Variants in ZMYM2 observed in about 807,000 individuals in gnomAD.
The protein encoded by ZMYM2 is zinc finger MYM-type protein 2.
In ZMYM2, 56 loss-of-function variants were observed where a neutral mutation model predicts 162.8. The observed-to-expected ratio is 0.34, with a 90% CI of 0.28 to 0.43. ZMYM2 has a LOEUF of 0.43. ZMYM2 is among the 20% of genes least tolerant of loss of function. ZMYM2 has a pLI of 1.00. For synonymous variants in ZMYM2, 510 were observed against 541.6 expected (o/e 0.94, Z 0.81); for missense variants, 1,275 against 1,621.8 (o/e 0.79, Z 3.67).
Position 19,984,122 on chromosome 13 carries a change from G to A in ZMYM2, c.-10-8941G>A, listed in dbSNP as rs1948953536. 2.0e-5 allele frequency among the ~76,000 whole-genome samples: 3 copies of A among 152,296 alleles called. No homozygotes were observed. In the South Asian group the frequency reaches 6.2e-4, roughly 32 times the overall value. On this transcript the variant is annotated intron_variant, in intron 2 of 24. Coordinates refer to ENST00000610343, the MANE Select transcript of ZMYM2 (RefSeq NM_197968.4). ...GGAGAAGATGATGAATACTTTTGTTGAAGCACTTTGAAGTGCTTTCTTTGT... is the reference window on the plus strand; with the variant it reads ...GGAGAAGATGATGAATACTTTTGTTAAAGCACTTTGAAGTGCTTTCTTTGT...
chr13:19,928,318 G>C, the ZMYM2 span, among the ~76,000 whole-genome samples: 9 of 151,930 alleles, frequency 5.9e-5, no homozygotes, highest in Non-Finnish European at 1.3e-4. Flanking sequence ...TTTTTTTATT[G>C]ATTTGTAGGA....
intron 2 of ZMYM2, among the ~76,000 whole-genome samples, chr13:19,977,411 T>A (rs1198286929): frequency 6.6e-6 from 1 of 152,184 alleles, no homozygotes; most frequent in Non-Finnish European, 1.5e-5. Context: ...ATTTAATCTA[T>A]TTATGTCTAA....
Position 19,997,537 on chromosome 13 carries a change from GTGTT to G in ZMYM2, c.847+3622_847+3625del, listed in dbSNP as rs1226835945. Among the ~76,000 whole-genome samples the G allele has an allele frequency of 5.9e-5, 9 of 152,100 alleles. No individual in the cohort carries two copies. The East Asian group carries it at 9.6e-4, about 16-fold the overall frequency. On this transcript the variant is annotated intron_variant, in intron 3 of 24. Transcript: ENST00000610343. ...TGTATGTGTGTATGGGTGTATGTGT[GTGTT>G]TGTATGAGCATTTTTAACTTACAGA...
Position 20,082,108 on chromosome 13 carries a change from G to T in ZMYM2, c.3546G>T (p.Trp1182Cys). ...AATTGAATAAAATACTGCGAAGCTG[G>T]CAACCAAGCATACTTCCAGATGGTA... Reference protein sequence around the residue: ...EQELNKILRSWQPSILPDGSI... With the variant: ...EQELNKILRSCQPSILPDGSI... The change falls in exon 22 of 25, where the codon TGG becomes TGT. Residue 1182 changes from tryptophan to cysteine, a missense_variant. By Grantham distance (215) the Trp-to-Cys change is radical (BLOSUM62 -2). Around this residue, in one of 10 missense-constraint regions of ZMYM2, gnomAD observed 103 missense variants for 192.2 expected, o/e 0.54. Coordinates refer to ENST00000610343, the MANE Select transcript of ZMYM2 (RefSeq NM_197968.4). 6.2e-7 allele frequency: 1 copy of T among 1,603,420 alleles called. No individual in the cohort carries two copies. Among genetic ancestry groups the T allele is most frequent in the Non-Finnish European group, 8.5e-7 (1 of 1,176,282 alleles).
chr13:20,074,888 A>G (rs566281983), intron 21 of ZMYM2, among the ~76,000 whole-genome samples: 2 of 152,344 alleles, frequency 1.3e-5, no homozygotes, highest in African/African-American at 4.8e-5. Flanking sequence ...TGCTTTATCA[A>G]AAAGTTGTTT....
intron 2 of ZMYM2, among the ~76,000 whole-genome samples, chr13:19,985,642 C>A (rs1594181276): frequency 6.7e-6 from 1 of 149,658 alleles, no homozygotes; most frequent in African/African-American, 2.5e-5. Context: ...ACAGAGGTTG[C>A]AGTGAGCCGA....
chr13:19,909,593 T>G, the ZMYM2 span, among the ~76,000 whole-genome samples: 1 of 151,910 alleles, frequency 6.6e-6, no homozygotes, highest in African/African-American at 2.4e-5. Context: ...ACACCACACC[T>G]GGCTAATTTT....
At chr13:20,051,771 T>C (rs1256254778) in intron 13 of ZMYM2, among the ~76,000 whole-genome samples, 173 bp downstream of exon 13, 1 of 152,192 alleles carries the variant, frequency 6.6e-6, no homozygotes, top group East Asian at 1.9e-4. Flanking sequence ...ATAAATGTAT[T>C]GCTTTTAGTT....
intron 7 of ZMYM2, among the ~76,000 whole-genome samples, chr13:20,020,860 C>T (rs1952022151): frequency 6.6e-6 from 1 of 151,946 alleles, no homozygotes; most frequent in African/African-American, 2.4e-5. Context: ...TCTAAAAGTT[C>T]CATTTGTCTC....
At chr13:20,084,087 T>C (rs1024202579) in intron 24 of ZMYM2, among the ~76,000 whole-genome samples, 1 of 152,150 alleles carries the variant, frequency 6.6e-6, no homozygotes, top group Admixed American at 6.6e-5. Flanking sequence ...TCATAGCTCA[T>C]TGCAACCTCA....
chr13:20,038,357 A>G (rs943945041), intron 12 of ZMYM2, among the ~76,000 whole-genome samples: 20 of 152,090 alleles, frequency 1.3e-4, no homozygotes, highest in Admixed American at 5.2e-4. Context: ...GCTGGTTCCT[A>G]TGTCCAGAAT....
intron 24 of ZMYM2, among the ~76,000 whole-genome samples, chr13:20,085,169 C>T (rs536899637): frequency 2.4e-4 from 36 of 152,252 alleles, no homozygotes; most frequent in Admixed American, 2.3e-3. Context: ...GTTTTGGGCG[C>T]GAACTCCTCA....
At position 20,003,731 on chromosome 13, in the gene ZMYM2, C is replaced by T. The variant is rs543639042; in HGVS notation, c.1133+596C>T. 7.2e-5 allele frequency among the ~76,000 whole-genome samples: 11 copies of T among 152,042 alleles called. No individual in the cohort carries two copies. The South Asian group carries it at 2.3e-3, about 32-fold the overall frequency. ...CACTGCAGCCTCCACCTCCTGGGTC[C>T]TCCACCTCCTGGGTTCAAGCAGTTA... On this transcript the variant is annotated intron_variant, in intron 4 of 24. Transcript: ENST00000610343.
At chr13:20,054,610 T>TA (rs1234003226) in intron 14 of ZMYM2, among the ~76,000 whole-genome samples, 2 of 152,250 alleles carry the variant, frequency 1.3e-5, no homozygotes. Flanking sequence ...CATACACAGA[T>TA]AACTGTGTAT....
chr13:19,973,805 T>C (rs1444115092), intron 2 of ZMYM2, among the ~76,000 whole-genome samples: 2 of 152,004 alleles, frequency 1.3e-5, no homozygotes, highest in Non-Finnish European at 2.9e-5. Context: ...TGAGTGTGGC[T>C]CAACACAAAT....
At chr13:20,020,146 G>A (rs1951949467) in intron 7 of ZMYM2, among the ~76,000 whole-genome samples, 1 of 151,502 alleles carries the variant, frequency 6.6e-6, no homozygotes, top group Non-Finnish European at 1.5e-5. Flanking sequence ...TTCAAATTTT[G>A]TCTGTTAATG....
the ZMYM2 span, among the ~76,000 whole-genome samples, chr13:19,878,522 T>TCCCC: frequency 1.1e-3 from 152 of 142,702 alleles, no homozygotes; most frequent in Middle Eastern, 7.0e-3. Flanking sequence ...TTGCCCTTTT[T>TCCCC]TTTTTTTTTT....
the ZMYM2 span, among the ~76,000 whole-genome samples, chr13:19,919,133 CT>C: frequency 0.039 from 5,551 of 142,476 alleles, 94 homozygotes; most frequent in Middle Eastern, 0.063. Context: ...TTGAGACTGG[CT>C]TTTTTTTTTT....
chr13:19,865,261 C>T, the ZMYM2 span, among the ~76,000 whole-genome samples: 1 of 152,218 alleles, frequency 6.6e-6, no homozygotes, highest in Non-Finnish European at 1.5e-5. Flanking sequence ...CCAAAAAAAT[C>T]TCATAACGTT....
Sources: allele counts gnomAD v4.1 joint callset (sites outside exome capture counted in the v4.1 genomes callset), GRCh38; gene constraint gnomAD v4.1.1; regional missense constraint gnomAD v4.1.1; transcripts MANE v1.5; gene names NCBI Gene and HGNC (gene_info 2026-07-23, HGNC 2026-07-21).